The following RCC2 variants were observed in gnomAD, a reference collection of about 807,000 sequenced individuals.
RCC2 encodes the protein protein RCC2.
A neutral mutation model predicts 64.1 loss-of-function variants in RCC2; 19 were observed. The ratio of observed to expected loss-of-function variants is 0.30; its 90% CI spans 0.21 to 0.44. RCC2 has a LOEUF of 0.44. Ranked by LOEUF, RCC2 falls within the 20% of genes least tolerant of loss-of-function variation. RCC2 has a pLI of 1.00. For synonymous variants in RCC2, 325 were observed against 279.6 expected (o/e 1.16, Z -1.62); for missense variants, 508 against 710.4 (o/e 0.72, Z 3.24).
At chr1:17,432,045 A>G (rs547508762) in intron 2 of RCC2, among the ~76,000 whole-genome samples, 15 of 152,086 alleles carry the variant, frequency 9.9e-5, no homozygotes, top group Non-Finnish European at 1.8e-4. Flanking sequence ...CCGAGATCAC[A>G]CCATTGCACT....
intron 2 of RCC2, among the ~76,000 whole-genome samples, chr1:17,433,228 ATTGT>A (rs1258510856): frequency 6.6e-6 from 1 of 152,194 alleles, no homozygotes; most frequent in African/African-American, 2.4e-5. Flanking sequence ...TATTTACATA[ATTGT>A]TTGCTCTAAG....
rs1479560721 is a variant in RCC2, at chr1:17,408,648, T to A, written c.*442A>T. On this transcript the variant is annotated 3_prime_UTR_variant, in exon 13 of 13. Coordinates refer to ENST00000375436, the MANE Select transcript of RCC2 (RefSeq NM_018715.4). ...GGCGGGCCGGTGACTGCCTAGCTGC[T>A]GCCGGTTCCTGTAAGGGACATTTTT... The A allele has an allele frequency of 6.2e-6, 1 of 162,418 alleles. No homozygotes were observed. The highest frequency in any genetic ancestry group is 2.4e-5 in the African/African-American group (1 of 41,562). The allele number at this position is 162,418 out of a possible 1,614,324, so 10.1% of individuals were successfully genotyped here.
In RCC2 at chr1:17,422,771, C is replaced by T; in HGVS notation, c.589G>A (p.Glu197Lys). 1 of 1,614,152 alleles carries T rather than the reference C, an allele frequency of 6.2e-7. No homozygotes were observed. The highest frequency in any genetic ancestry group is 1.6e-4 in the Middle Eastern group (1 of 6,062). The change falls in exon 5 of 13, where the codon GAG becomes AAG. Residue 197 changes from glutamate to lysine, a missense_variant. Around this residue, in one of 4 missense-constraint regions of RCC2, gnomAD observed 132 missense variants for 207.3 expected, o/e 0.64. Transcript: ENST00000375436. Reference sequence around the variant, plus strand: ...ACAATCACTTCGTGGCTAAGACCCTCGATGAGTCTAGGGGCTTCTACTCTC... The same window carrying T: ...ACAATCACTTCGTGGCTAAGACCCTTGATGAGTCTAGGGGCTTCTACTCTC... ...TKRVEAPRLI[E>K]GLSHEVIVSA...
chr1:17,422,872 G>C (rs755403371), intron 4 of RCC2, 36 bp from the exon 5 acceptor site: 1 of 1,612,712 alleles, frequency 6.2e-7, no homozygotes, highest in Non-Finnish European at 8.5e-7. Context: ...AAAAGAGAGA[G>C]GGTGGTCCAG....
intron 8 of RCC2, 81 bp from the exon 9 acceptor site, chr1:17,413,798 A>T: frequency 1.6e-6 from 2 of 1,286,964 alleles, no homozygotes; most frequent in South Asian, 2.7e-5. Flanking sequence ...TGTGCAGACA[A>T]CCTGGTGCAA....
In RCC2 at chr1:17,438,507, C is replaced by T; in HGVS notation, c.8G>A (p.Arg3Lys). 3.7e-6 allele frequency: 5 copies of T among 1,345,410 alleles called. No homozygotes were observed. Among genetic ancestry groups the T allele is most frequent in the Non-Finnish European group, 4.8e-6 (5 of 1,050,644 alleles). 83.3% of individuals were successfully genotyped at this position (1,345,410 alleles called of 1,614,324 possible). Residue 3 changes from arginine (R) to lysine (K), a missense_variant, in exon 2 of 13, where the codon AGG (arginine) becomes AAG (lysine). Physicochemically the swap from Arg to Lys is conservative, Grantham distance 26. Around this residue, in one of 4 missense-constraint regions of RCC2, gnomAD observed 195 missense variants for 158.3 expected, o/e 1.23. Transcript: ENST00000375436. Reference protein sequence around the residue: MPRKKAAAAAWEE... With the variant: MPKKKAAAAAWEE... ...CCAGGCCGCCGCCGCCGCCTTCTTC[C>T]TGGGCATGGTCGCGGCTGGAGGGAG...
At chr1:17,430,746 C>T (rs2075666822) in intron 2 of RCC2, among the ~76,000 whole-genome samples, 1 of 151,868 alleles carries the variant, frequency 6.6e-6, no homozygotes, top group African/African-American at 2.4e-5. Context: ...TGAGATTGCA[C>T]CATTGCACTC....
intron 1 of RCC2, 82 bp downstream of exon 1, chr1:17,439,463 A>G (rs1430154352): frequency 1.6e-5 from 2 of 127,818 alleles, no homozygotes; most frequent in East Asian, 4.5e-4. Context: ...TTTTTTTTTA[A>G]CCTTTTCTCT....
intron 2 of RCC2, among the ~76,000 whole-genome samples, chr1:17,434,430 C>G (rs1415138697): frequency 6.6e-6 from 1 of 152,224 alleles, no homozygotes; most frequent in African/African-American, 2.4e-5. Context: ...GGTGGGTGGT[C>G]TGCAGAGGGC....
chr1:17,411,927 G>A (rs1279909080), intron 11 of RCC2, among the ~76,000 whole-genome samples, 195 bp downstream of exon 11: 3 of 152,204 alleles, frequency 2.0e-5, no homozygotes, highest in African/African-American at 7.2e-5. Flanking sequence ...AGATGACTCA[G>A]AATTATCTGA....
intron 4 of RCC2, among the ~76,000 whole-genome samples, chr1:17,424,626 T>C (rs1379981043): frequency 2.6e-5 from 4 of 152,330 alleles, no homozygotes; most frequent in Middle Eastern, 3.4e-3. Context: ...TGTTAATATA[T>C]TTGGACTTTG....
At chr1:17,425,394 G>GTC in intron 4 of RCC2, 147 bp downstream of exon 4, 1 of 788,626 alleles carries the variant, frequency 1.3e-6, no homozygotes, top group Non-Finnish European at 1.9e-6. Context: ...AGACGAGCTG[G>GTC]GAATTAGGAA....
chr1:17,430,910 G>GT (rs2075668549), intron 2 of RCC2, among the ~76,000 whole-genome samples: 1 of 151,678 alleles, frequency 6.6e-6, no homozygotes, highest in South Asian at 2.1e-4. Context: ...TAGAGACAGG[G>GT]TTTCACTATG....
chr1:17,425,594 G>A lies in RCC2; in HGVS notation c.470C>T (p.Ser157Leu). The stretch of plus-strand genomic sequence containing the variant: ...GATGAGGAGGCTGTGTGCAGCACAC[G>A]AGCCCGAGACCACTGTCCGCACCCG... ...GVRVRTVVSG[S>L]CAAHSLLITT... Residue 157 changes from serine to leucine, a missense_variant, in exon 4 of 13, where the codon TCG (serine) becomes TTG (leucine). Physicochemically the swap from Ser to Leu is moderately radical, Grantham distance 145. Around this residue, in one of 4 missense-constraint regions of RCC2, gnomAD observed 132 missense variants for 207.3 expected, o/e 0.64. Transcript: ENST00000375436. The A allele has an allele frequency of 6.2e-7, 1 of 1,614,072 alleles. No homozygotes were observed. The highest frequency in any genetic ancestry group is 8.5e-7 in the Non-Finnish European group (1 of 1,179,984).
At chr1:17,437,404 G>C (rs1047272600) in intron 2 of RCC2, among the ~76,000 whole-genome samples, 10 of 152,216 alleles carry the variant, frequency 6.6e-5, no homozygotes, top group African/African-American at 2.4e-4. Context: ...AGTTCTGTGG[G>C]GGTGGGGAGA....
At chr1:17,419,466 TAA>T (rs1369825643) in intron 7 of RCC2, among the ~76,000 whole-genome samples, 1 of 152,206 alleles carries the variant, frequency 6.6e-6, no homozygotes, top group Non-Finnish European at 1.5e-5. Context: ...AGGTTCATTC[TAA>T]AAGTGATCTA....
intron 7 of RCC2, among the ~76,000 whole-genome samples, chr1:17,418,696 T>A (rs763924929): frequency 9.9e-5 from 15 of 152,016 alleles, no homozygotes; most frequent in Non-Finnish European, 2.1e-4. Flanking sequence ...ACTAAGAAAT[T>A]CCCCCACCTT....
rs184348603 is a variant in RCC2, at chr1:17,409,054, G to T, written c.*36C>A. On this transcript the variant is annotated 3_prime_UTR_variant, in exon 13 of 13. Coordinates refer to ENST00000375436, the MANE Select transcript of RCC2 (RefSeq NM_018715.4). ...AGTGCACATGGAAATGACAGCTGCC[G>T]CGAGAGGTGTGGAGTCGGAGGAGTC... 2.3e-5 allele frequency: 33 copies of T among 1,423,038 alleles called. No homozygotes were observed. In the East Asian group the frequency reaches 3.6e-4, roughly 16 times the overall value. The allele number at this position is 1,423,038 out of a possible 1,614,324, so 88.2% of individuals were successfully genotyped here.
chr1:17,422,674 TGA>T (rs1349994309), intron 5 of RCC2, 29 bp downstream of exon 5: 3 of 1,610,122 alleles, frequency 1.9e-6, no homozygotes, highest in Non-Finnish European at 1.7e-6. Flanking sequence ...CTTGCCAAAC[TGA>T]GAGGAGACAC....
Sources: gnomAD v4.1 joint callset for allele counts (sites outside exome capture counted in the v4.1 genomes callset) on GRCh38, gnomAD v4.1.1 for gene constraint, gnomAD v4.1.1 regional missense constraint, MANE v1.5 for transcripts, NCBI Gene and HGNC (gene_info 2026-07-23, HGNC 2026-07-21) for gene names.